Variants in ASIC2 observed in about 807,000 individuals in gnomAD.
ASIC2 encodes acid-sensing ion channel 2.
In ASIC2, 25 loss-of-function variants were observed where a neutral mutation model predicts 57.3. That is an observed-to-expected ratio of 0.44 (90% CI 0.32 to 0.61). ASIC2 has a LOEUF of 0.61. ASIC2 is among the 20% of genes least tolerant of loss of function. The pLI is 0.06. For synonymous variants in ASIC2, 319 were observed against 307.5 expected (o/e 1.04, Z -0.39); for missense variants, 641 against 738.1 (o/e 0.87, Z 1.52).
At chr17:33,133,185 G>C (rs1294060204) in intron 1 of ASIC2, among the ~76,000 whole-genome samples, 3 of 152,248 alleles carry the variant, frequency 2.0e-5, no homozygotes, top group Non-Finnish European at 4.4e-5. Context: ...TTTTCAGTGA[G>C]GTTTGATGGA....
intron 2 of ASIC2, among the ~76,000 whole-genome samples, chr17:33,094,046 C>G (rs1039351041): frequency 6.6e-6 from 1 of 152,186 alleles, no homozygotes; most frequent in Non-Finnish European, 1.5e-5. Flanking sequence ...GGGCATCTCA[C>G]AGTGCAGCAA....
intron 1 of ASIC2, among the ~76,000 whole-genome samples, chr17:33,871,244 A>T (rs1018496816): frequency 1.3e-5 from 2 of 152,258 alleles, no homozygotes; most frequent in Admixed American, 6.5e-5. Context: ...GAGGGTGGAC[A>T]TCACAGGGCG....
At chr17:33,759,350 A>T (rs1193129370) in intron 1 of ASIC2, among the ~76,000 whole-genome samples, 1 of 152,206 alleles carries the variant, frequency 6.6e-6, no homozygotes, top group Non-Finnish European at 1.5e-5. Flanking sequence ...CTGCTTCATG[A>T]TTACTTCTAA....
chr17:33,604,348 CA>C (rs56169311), intron 1 of ASIC2, among the ~76,000 whole-genome samples: 20,901 of 152,096 alleles, frequency 0.14, 1,624 homozygotes, highest in Non-Finnish European at 0.17. Context: ...GTGGAGTGGA[CA>C]TGGAGAGCAG....
intron 2 of ASIC2, among the ~76,000 whole-genome samples, chr17:33,103,601 C>T (rs577619085): frequency 6.6e-6 from 1 of 152,234 alleles, no homozygotes; most frequent in African/African-American, 2.4e-5. Flanking sequence ...CAAGGGACTT[C>T]ATTCTAGGGT....
At chr17:33,062,225 G>T (rs997566546) in intron 3 of ASIC2, among the ~76,000 whole-genome samples, 1 of 152,048 alleles carries the variant, frequency 6.6e-6, no homozygotes, top group Non-Finnish European at 1.5e-5. Context: ...GTTTGCTCTT[G>T]CTTCTCTAGT....
intron 1 of ASIC2, among the ~76,000 whole-genome samples, chr17:33,288,715 G>GACAC (rs56013728): frequency 0.097 from 13,910 of 143,392 alleles, 695 homozygotes; most frequent in African/African-American, 0.12. Context: ...AGCTCTCTCT[G>GACAC]ACACACACAC....
chr17:33,618,361 C>T (rs1007693850), intron 1 of ASIC2, among the ~76,000 whole-genome samples: 1 of 151,964 alleles, frequency 6.6e-6, no homozygotes, highest in African/African-American at 2.4e-5. Flanking sequence ...GCTCAATGCT[C>T]CTTATTTTTA....
At position 33,789,495 on chromosome 17, in the gene ASIC2, C is replaced by T. The variant is rs866822849; in HGVS notation, c.555+366483G>A. On this transcript the variant is annotated intron_variant, in intron 1 of 9. Coordinates refer to the ASIC2 transcript ENST00000359872. The stretch of plus-strand genomic sequence containing the variant: ...ACACACACACACACACACACACACA[C>T]ACACACACGTGCAGCATTTCAGCTG... Among the ~76,000 whole-genome samples, 493 of 152,158 alleles carry T rather than the reference C, an allele frequency of 3.2e-3. 4 individuals carry two copies. Among genetic ancestry groups the T allele is most frequent in the African/African-American group, 0.011 (477 of 41,500 alleles).
intron 1 of ASIC2, among the ~76,000 whole-genome samples, chr17:34,092,829 C>T (rs751701236): frequency 1.3e-5 from 2 of 152,154 alleles, no homozygotes; most frequent in Non-Finnish European, 2.9e-5. Flanking sequence ...TCATCATGAT[C>T]TGGAATTTAG....
intron 1 of ASIC2, among the ~76,000 whole-genome samples, chr17:33,495,619 G>C (rs1246203356): frequency 6.6e-6 from 1 of 152,188 alleles, no homozygotes; most frequent in Non-Finnish European, 1.5e-5. Flanking sequence ...CCTTCAGTAA[G>C]TAGGAGGGAG....
chr17:33,776,363 G>A (rs1450516439), intron 1 of ASIC2, among the ~76,000 whole-genome samples: 2 of 152,148 alleles, frequency 1.3e-5, no homozygotes, highest in East Asian at 1.9e-4. Context: ...GGCAGCCTAT[G>A]AGCCAGGAAG....
At chr17:33,154,017 C>T (rs1264898453) in intron 1 of ASIC2, among the ~76,000 whole-genome samples, 1 of 152,172 alleles carries the variant, frequency 6.6e-6, no homozygotes, top group Non-Finnish European at 1.5e-5. Context: ...GGTGCTCCTT[C>T]ATGAACATCC....
intron 1 of ASIC2, among the ~76,000 whole-genome samples, chr17:33,357,809 C>G (rs1388588096): frequency 6.6e-6 from 1 of 152,142 alleles, no homozygotes; most frequent in Non-Finnish European, 1.5e-5. Flanking sequence ...GCTAAGCCTC[C>G]TAAATTCCGG....
chr17:33,328,119 G>T (rs1364419139), intron 1 of ASIC2, among the ~76,000 whole-genome samples: 1 of 142,876 alleles, frequency 7.0e-6, no homozygotes, highest in African/African-American at 2.6e-5. Flanking sequence ...TTTGTTTTAA[G>T]TCACTCAGTT....
intron 1 of ASIC2, among the ~76,000 whole-genome samples, chr17:33,668,292 T>C (rs1907543685): frequency 6.8e-6 from 1 of 147,222 alleles, no homozygotes; most frequent in Admixed American, 6.7e-5. Context: ...TTTTTTTTTT[T>C]TTTTTTTGCA....
chr17:33,300,065 T>A (rs545169209), intron 1 of ASIC2, among the ~76,000 whole-genome samples: 2 of 152,280 alleles, frequency 1.3e-5, no homozygotes, highest in East Asian at 1.9e-4. Context: ...CATATTCACA[T>A]GTTTCAAAAA....
chr17:33,796,277 A>T (rs1567717964), intron 1 of ASIC2, among the ~76,000 whole-genome samples: 3 of 152,128 alleles, frequency 2.0e-5, no homozygotes, highest in African/African-American at 7.2e-5. Flanking sequence ...AGAATGGAAA[A>T]CACATAATGC....
chr17:33,754,256 G>T (rs754966174), intron 1 of ASIC2, among the ~76,000 whole-genome samples: 3 of 152,160 alleles, frequency 2.0e-5, no homozygotes, highest in Admixed American at 6.5e-5. Context: ...CATCAGGGAT[G>T]ATGGTGGGGG....
Sources: allele counts gnomAD v4.1 joint callset (sites outside exome capture counted in the v4.1 genomes callset), GRCh38; gene constraint gnomAD v4.1.1; transcripts MANE v1.5; gene names NCBI Gene and HGNC (gene_info 2026-07-23, HGNC 2026-07-21).